KCNQ1OT1: variants seen among roughly 807,000 people sequenced by gnomAD.
The protein encoded by KCNQ1OT1 is KCNQ1 antisense RNA 2 (non-protein coding).
chr11:2,678,102 CT>C lies in KCNQ1OT1; in HGVS notation n.21892del, dbSNP rs1199125823. 7.5e-6 allele frequency: 3 copies of C among 398,154 alleles called. No homozygotes were observed. Among genetic ancestry groups the C allele is most frequent in the East Asian group, 7.1e-5 (2 of 28,022 alleles). The allele number at this position is 398,154 out of a possible 1,614,324, so 24.7% of individuals were successfully genotyped here. The stretch of plus-strand genomic sequence containing the variant: ...TGTCTTACTGATTTGTAGAAACTTG[CT>C]TTGTCATATTCATTGAAAATATTTT... On this transcript the variant is annotated non_coding_transcript_exon_variant, in exon 1 of 1. Transcript: ENST00000597346. The surrounding 1 kb of genome is among the most constrained non-coding windows in gnomAD (Gnocchi z 4.9).
At chr11:2,618,170 T>C (rs761988386) in exon 1 of KCNQ1OT1, 3 of 398,406 alleles carry the variant, frequency 7.5e-6, no homozygotes, top group Non-Finnish European at 1.3e-5. Context: ...GTTTAGGTCT[T>C]TTATCCATTT....
At chr11:2,667,719 G>A (rs77309526) in exon 1 of KCNQ1OT1, 2 of 398,754 alleles carry the variant, frequency 5.0e-6, no homozygotes, top group East Asian at 7.1e-5. Context: ...TGGAAGCCGT[G>A]TCCCCTTAAG....
chr11:2,671,900 C>T lies in KCNQ1OT1; in HGVS notation n.28095G>A. 2.5e-6 allele frequency: 1 copy of T among 398,724 alleles called. No individual in the cohort carries two copies. The highest frequency in any genetic ancestry group is 4.4e-6 in the Non-Finnish European group (1 of 226,118). 24.7% of individuals were successfully genotyped at this position (398,724 alleles called of 1,614,324 possible). A position where few individuals can be genotyped will look rare whatever the true frequency, so the allele number is the denominator to read the frequency against. ...GAGGTGGGCAGCACCAGGCAGCCAGCCTGTGGGCCCCGCTATGCTTCCTCA... is the reference window on the plus strand; with the variant it reads ...GAGGTGGGCAGCACCAGGCAGCCAGTCTGTGGGCCCCGCTATGCTTCCTCA... On this transcript the variant is annotated non_coding_transcript_exon_variant, in exon 1 of 1. Transcript: ENST00000597346. This position sits in a 1 kb window ranked among gnomAD's most constrained non-coding sequence, Gnocchi z 4.7.
At chr11:2,662,345 T>G in exon 1 of KCNQ1OT1, 1 of 566,630 alleles carries the variant, frequency 1.8e-6, no homozygotes, top group Non-Finnish European at 3.1e-6. Context: ...GTTTTCATGC[T>G]TTGAGAGTCT....
Position 2,627,790 on chromosome 11 carries a change from A to G in KCNQ1OT1, n.72205T>C. The stretch of plus-strand genomic sequence containing the variant: ...TTTTGAGACAGGGTCTCCATCTGTC[A>G]TCCAGGCAGGAGTACAGTGGCACAA... On this transcript the variant is annotated non_coding_transcript_exon_variant, in exon 1 of 1. Transcript: ENST00000597346. This position sits in a 1 kb window ranked among gnomAD's most constrained non-coding sequence, Gnocchi z 4.9. The G allele has an allele frequency of 2.5e-6, 1 of 398,422 alleles. No homozygotes were observed. The highest frequency in any genetic ancestry group is 4.4e-6 in the Non-Finnish European group (1 of 226,072). 24.7% of individuals were successfully genotyped at this position (398,422 alleles called of 1,614,324 possible). A position where few individuals can be genotyped will look rare whatever the true frequency, so the allele number is the denominator to read the frequency against.
At chr11:2,685,920 G>A in exon 1 of KCNQ1OT1, 1 of 398,756 alleles carries the variant, frequency 2.5e-6, no homozygotes. Flanking sequence ...GCCTGACCAA[G>A]TTCTGGGCCC....
chr11:2,631,691 TAAG>T, exon 1 of KCNQ1OT1: 1 of 398,562 alleles, frequency 2.5e-6, no homozygotes, highest in East Asian at 3.6e-5. Context: ...GATGGAGTGT[TAAG>T]TAGGTAGGGT....
chr11:2,619,675 C>G (rs1399193196), exon 1 of KCNQ1OT1: 1 of 396,354 alleles, frequency 2.5e-6, no homozygotes, highest in African/African-American at 2.1e-5. Flanking sequence ...TGATGCTGGC[C>G]TCATAAAATG....
chr11:2,630,538 C>T (rs1164149220), exon 1 of KCNQ1OT1: 1 of 398,158 alleles, frequency 2.5e-6, no homozygotes, highest in Non-Finnish European at 4.4e-6. Flanking sequence ...TATTGCATAT[C>T]CATTGAGAAA....
chr11:2,671,891 G>C lies in KCNQ1OT1; in HGVS notation n.28104C>G. ...CCTGGAGAGGAGGTGGGCAGCACCA[G>C]GCAGCCAGCCTGTGGGCCCCGCTAT... is the stretch of plus-strand genomic sequence containing the variant. On this transcript the variant is annotated non_coding_transcript_exon_variant, in exon 1 of 1. Transcript: ENST00000597346. This position sits in a 1 kb window ranked among gnomAD's most constrained non-coding sequence, Gnocchi z 4.7. The C allele has an allele frequency of 2.5e-6, 1 of 398,708 alleles. No individual in the cohort carries two copies. Among genetic ancestry groups the C allele is most frequent in the Non-Finnish European group, 4.4e-6 (1 of 226,106 alleles). 24.7% of individuals were successfully genotyped at this position (398,708 alleles called of 1,614,324 possible).
At position 2,623,747 on chromosome 11, in the gene KCNQ1OT1, T is replaced by C; in HGVS notation, n.76248A>G. On this transcript the variant is annotated non_coding_transcript_exon_variant, in exon 1 of 1. Coordinates refer to ENST00000597346, the Ensembl canonical transcript of KCNQ1OT1. This position sits in a 1 kb window ranked among gnomAD's most constrained non-coding sequence, Gnocchi z 5.2. ...CTGTAAACATCTCTGTGCAGATTTT[T>C]ATGTGAATATAAGTCTTCACCTCCT... The C allele has an allele frequency of 2.5e-6, 1 of 398,620 alleles. No homozygotes were observed. Among genetic ancestry groups the C allele is most frequent in the Middle Eastern group, 6.3e-4 (1 of 1,588 alleles). The allele number at this position is 398,620 out of a possible 1,614,324, so 24.7% of individuals were successfully genotyped here. A position where few individuals can be genotyped will look rare whatever the true frequency, so the allele number is the denominator to read the frequency against.
exon 1 of KCNQ1OT1, chr11:2,699,591 GAAC>G: frequency 2.9e-6 from 1 of 347,560 alleles, no homozygotes; most frequent in Non-Finnish European, 5.1e-6. Context: ...GGGGAGAACA[GAAC>G]CGCGGCGAGA....
In KCNQ1OT1 at chr11:2,676,875, T is replaced by A; in HGVS notation, n.23120A>T. 5.0e-6 allele frequency: 2 copies of A among 398,628 alleles called. No homozygotes were observed. The highest frequency in any genetic ancestry group is 4.4e-6 in the Non-Finnish European group (1 of 226,062). The allele number at this position is 398,628 out of a possible 1,614,324, so 24.7% of individuals were successfully genotyped here. ...AGCTTTGACTGGGGAGCCCTTTCAT[T>A]TCTTAGTAAGTGTTCAGCCCCAGTG... On this transcript the variant is annotated non_coding_transcript_exon_variant, in exon 1 of 1. Transcript: ENST00000597346. This position sits in a 1 kb window ranked among gnomAD's most constrained non-coding sequence, Gnocchi z 4.2.
exon 1 of KCNQ1OT1, chr11:2,622,366 C>T (rs893629357): frequency 1.3e-5 from 5 of 398,146 alleles, no homozygotes; most frequent in African/African-American, 4.1e-5. Flanking sequence ...ATAATTACCT[C>T]CAGCTTTCTT....
chr11:2,686,398 G>A (rs774840854), exon 1 of KCNQ1OT1: 2 of 398,526 alleles, frequency 5.0e-6, no homozygotes, highest in Non-Finnish European at 8.8e-6. Context: ...CCCAACCCCT[G>A]ACTAGGATAT....
In KCNQ1OT1 at chr11:2,683,612, C is replaced by A; in HGVS notation, n.16383G>T. ...AAATGCCAACTCATTTCAAATACTG[C>A]TCTAGACAACTGGGCCCTGCATCTG... On this transcript the variant is annotated non_coding_transcript_exon_variant, in exon 1 of 1. Transcript: ENST00000597346. This position sits in a 1 kb window ranked among gnomAD's most constrained non-coding sequence, Gnocchi z 4.7. 1 of 398,646 alleles carries A rather than the reference C, an allele frequency of 2.5e-6. No individual in the cohort carries two copies. Among genetic ancestry groups the A allele is most frequent in the Non-Finnish European group, 4.4e-6 (1 of 226,080 alleles). The allele number at this position is 398,646 out of a possible 1,614,324, so 24.7% of individuals were successfully genotyped here. A position where few individuals can be genotyped will look rare whatever the true frequency, so the allele number is the denominator to read the frequency against.
exon 1 of KCNQ1OT1, chr11:2,689,313 C>T (rs555248891): frequency 5.0e-6 from 2 of 398,694 alleles, no homozygotes; most frequent in Admixed American, 4.4e-5. Flanking sequence ...CTCAATGCCA[C>T]CTCAGGACTG....
chr11:2,623,285 G>A lies in KCNQ1OT1; in HGVS notation n.76710C>T. 2.5e-6 allele frequency: 1 copy of A among 398,756 alleles called. No individual in the cohort carries two copies. Among genetic ancestry groups the A allele is most frequent in the African/African-American group, 2.1e-5 (1 of 48,740 alleles). The allele number at this position is 398,756 out of a possible 1,614,324, so 24.7% of individuals were successfully genotyped here. On this transcript the variant is annotated non_coding_transcript_exon_variant, in exon 1 of 1. Coordinates refer to ENST00000597346, the Ensembl canonical transcript of KCNQ1OT1. This position sits in a 1 kb window ranked among gnomAD's most constrained non-coding sequence, Gnocchi z 5.2. ...AACCTCTTTTCTCACAAATTACCCA[G>A]TCTCAGGTAGTTCTTTATAGCACTG...
In KCNQ1OT1 at chr11:2,645,265, G is replaced by A. The variant is rs1590001947; in HGVS notation, n.54730C>T. On this transcript the variant is annotated non_coding_transcript_exon_variant, in exon 1 of 1. Transcript: ENST00000597346. This position sits in a 1 kb window ranked among gnomAD's most constrained non-coding sequence, Gnocchi z 5.8. ...ATGCCAGTTGTGGTGGTAATGGTCA[G>A]TTGGGTAGGGCAGTCCTCAAGCCCC... 2.5e-6 allele frequency: 1 copy of A among 398,768 alleles called. No homozygotes were observed. The highest frequency in any genetic ancestry group is 4.4e-6 in the Non-Finnish European group (1 of 226,230). 24.7% of individuals were successfully genotyped at this position (398,768 alleles called of 1,614,324 possible). A position where few individuals can be genotyped will look rare whatever the true frequency, so the allele number is the denominator to read the frequency against.
Sources: allele counts gnomAD v4.1 joint callset, GRCh38; gene constraint gnomAD v4.1.1; non-coding constraint Gnocchi (gnomAD v3.1); transcripts MANE v1.5; gene names NCBI Gene and HGNC (gene_info 2026-07-23, HGNC 2026-07-21).